NDRG4: variants seen among roughly 807,000 people sequenced by gnomAD.
NDRG4 encodes protein NDRG4.
A neutral mutation model predicts 55.8 loss-of-function variants in NDRG4; 38 were observed. That is an observed-to-expected ratio of 0.68 (90% CI 0.53 to 0.89). NDRG4 has a LOEUF of 0.89. Among genes scored for constraint, NDRG4 ranks in the 40% least tolerant of loss-of-function variants. NDRG4 has a pLI of 0.00. For missense variants in NDRG4, 455 were observed against 468.6 expected (o/e 0.97, Z 0.27); for synonymous variants, 190 against 182.7 (o/e 1.04, Z -0.32).
downstream of NDRG4, among the ~76,000 whole-genome samples, chr16:58,514,411 G>C (rs1393335108): frequency 1.3e-5 from 2 of 152,062 alleles, no homozygotes; most frequent in Non-Finnish European, 2.9e-5. Flanking sequence ...CGCAGGTGAG[G>C]AGACTAAGGT....
At chr16:58,506,204 T>C in intron 5 of NDRG4, 183 bp from the exon 6 acceptor site, 1 of 661,424 alleles carries the variant, frequency 1.5e-6, no homozygotes, top group South Asian at 1.5e-5. Context: ...TCTAAATAAA[T>C]CCAAGAACTG....
In NDRG4 at chr16:58,477,161, GATATAT is replaced by G. The variant is rs370447012; in HGVS notation, c.-23-10584_-23-10579del. ...ATATATGTGTGATATATATATATGTGATATATATATATATATGTATGTGTGTGTGTT... is the reference window on the plus strand; with the variant it reads ...ATATATGTGTGATATATATATATGTGATATATATATGTATGTGTGTGTGTT... On this transcript the variant is annotated intron_variant, in intron 1 of 15. Transcript: ENST00000258187. Among the ~76,000 whole-genome samples, 19 of 147,982 alleles carry G rather than the reference GATATAT, an allele frequency of 1.3e-4. No individual in the cohort carries two copies. The South Asian group carries it at 3.9e-3, about 30-fold the overall frequency.
chr16:58,481,986 C>T (rs1456690854), intron 1 of NDRG4, among the ~76,000 whole-genome samples: 4 of 152,084 alleles, frequency 2.6e-5, no homozygotes, highest in Admixed American at 1.3e-4. Context: ...ACTGGTGTAG[C>T]GTCGGGTAGG....
At chr16:58,482,101 C>T (rs1466423848) in intron 1 of NDRG4, among the ~76,000 whole-genome samples, 1 of 152,156 alleles carries the variant, frequency 6.6e-6, no homozygotes, top group African/African-American at 2.4e-5. Context: ...TCACATGCTC[C>T]CACTCGGCCA....
chr16:58,493,298 T>C (rs2036007842), intron 2 of NDRG4, among the ~76,000 whole-genome samples: 1 of 152,214 alleles, frequency 6.6e-6, no homozygotes, highest in South Asian at 2.1e-4. Flanking sequence ...AGACAGAGTC[T>C]CACTCTATCA....
intron 14 of NDRG4, 144 bp from the exon 15 acceptor site, chr16:58,511,278 T>G: frequency 1.1e-6 from 1 of 930,846 alleles, no homozygotes. Flanking sequence ...GCCCGACAGC[T>G]GTCGCCAGCC....
At chr16:58,502,338 C>T (rs2037273330) in intron 1 of NDRG4, among the ~76,000 whole-genome samples, 1 of 152,130 alleles carries the variant, frequency 6.6e-6, no homozygotes, top group Non-Finnish European at 1.5e-5. Context: ...CTGGTGTGGC[C>T]TCCTCATCCC....
At chr16:58,515,238 C>T (rs1390767913), downstream of NDRG4, among the ~76,000 whole-genome samples, 1 of 152,222 alleles carries the variant, frequency 6.6e-6, no homozygotes, top group African/African-American at 2.4e-5. Flanking sequence ...GTTCTTGCAC[C>T]CAGACCGCAA....
At chr16:58,513,712 C>T (rs933597574), downstream of NDRG4, 1 of 152,172 alleles carries the variant, frequency 6.6e-6, no homozygotes, top group Non-Finnish European at 1.5e-5. Context: ...AATCTCAGCA[C>T]TTTGGGAGGC....
At chr16:58,487,749 T>A (rs1336502958) in intron 1 of NDRG4, 1 of 1,526,896 alleles carries the variant, frequency 6.5e-7, no homozygotes, top group Non-Finnish European at 8.8e-7. Context: ...TCGCCCTCCC[T>A]CCCTAGGCCT....
At chr16:58,468,226 G>C (rs550898751) in intron 1 of NDRG4, among the ~76,000 whole-genome samples, 2 of 152,298 alleles carry the variant, frequency 1.3e-5, no homozygotes, top group African/African-American at 4.8e-5. Flanking sequence ...CCTTCTGGAG[G>C]CTTTGTAAAT....
chr16:58,512,295 C>G lies in NDRG4; in HGVS notation c.*719C>G, dbSNP rs990358347. 2.8e-6 allele frequency: 1 copy of G among 352,530 alleles called. No individual in the cohort carries two copies. Among genetic ancestry groups the G allele is most frequent in the African/African-American group, 2.2e-5 (1 of 46,128 alleles). 21.8% of individuals were successfully genotyped at this position (352,530 alleles called of 1,614,324 possible). The stretch of plus-strand genomic sequence containing the variant: ...ATTCTGAGCCAAGGCCTCCCCGAGG[C>G]AGAAGTTGCCTGGTCCTCTGTCCCC... On this transcript the variant is annotated 3_prime_UTR_variant, in exon 15 of 15. Transcript: ENST00000570248.
Position 58,511,407 on chromosome 16 carries a change from T to C in NDRG4, c.905-15T>C, listed in dbSNP as rs2038788527. 2 of 1,593,844 alleles carry C rather than the reference T, an allele frequency of 1.3e-6. No individual in the cohort carries two copies. Among genetic ancestry groups the C allele is most frequent in the South Asian group, 1.1e-5 (1 of 89,448 alleles). ...TGCCCGCCAGTCCTCAGGCCCATCC[T>C]GTCTCTGTCCACAGTGCCCTCAGCC... On this transcript the variant is annotated splice_polypyrimidine_tract_variant and intron_variant, in intron 14 of 14. Coordinates refer to ENST00000570248, the MANE Select transcript of NDRG4 (RefSeq NM_001242835.2).
At chr16:58,501,062 C>T in intron 1 of NDRG4, 1 of 1,236,516 alleles carries the variant, frequency 8.1e-7, no homozygotes, top group Non-Finnish European at 1.0e-6. Flanking sequence ...GGCACCTCCT[C>T]TCGCCGGGGC....
chr16:58,514,859 C>T (rs1354424746), downstream of NDRG4, among the ~76,000 whole-genome samples: 3 of 150,954 alleles, frequency 2.0e-5, no homozygotes, highest in Admixed American at 6.6e-5. Context: ...CATTTTCTTA[C>T]ATTTAACAGC....
At chr16:58,493,153 C>T (rs1046065942) in intron 2 of NDRG4, among the ~76,000 whole-genome samples, 2 of 152,220 alleles carry the variant, frequency 1.3e-5, no homozygotes, top group African/African-American at 4.8e-5. Flanking sequence ...CTGCTTTCCA[C>T]TCCTGTGATT....
intron 2 of NDRG4, among the ~76,000 whole-genome samples, chr16:58,489,406 G>C (rs2035508977): frequency 1.3e-5 from 2 of 151,690 alleles, no homozygotes; most frequent in Admixed American, 1.3e-4. Context: ...CTTCTCTCTA[G>C]CCTCCTTGAA....
At chr16:58,506,792 T>C (rs1165280577) in intron 7 of NDRG4, 120 bp from the exon 8 acceptor site, 12 of 1,183,684 alleles carry the variant, frequency 1.0e-5, no homozygotes, top group Non-Finnish European at 1.2e-6. Flanking sequence ...CCCCACCCTG[T>C]CTCCCCTGCC....
At chr16:58,507,243 C>T (rs1298645986) in intron 8 of NDRG4, 3 of 559,528 alleles carry the variant, frequency 5.4e-6, no homozygotes, top group Non-Finnish European at 9.6e-6. Flanking sequence ...TTCCTCCTCC[C>T]CTGGGGGCTT....
Sources: allele counts gnomAD v4.1 joint callset (sites outside exome capture counted in the v4.1 genomes callset), GRCh38; gene constraint gnomAD v4.1.1; transcripts MANE v1.5; gene names NCBI Gene and HGNC (gene_info 2026-07-23, HGNC 2026-07-21).